The following NDST3 variants were observed in gnomAD, a reference collection of about 807,000 sequenced individuals.
The protein encoded by NDST3 is N-deacetylase and N-sulfotransferase 3, also known as bifunctional heparan sulfate N-deacetylase/N-sulfotransferase 3.
Under a neutral mutation model 96.1 loss-of-function variants are expected in NDST3, and 58 were observed. The ratio of observed to expected loss-of-function variants is 0.60; its 90% CI spans 0.49 to 0.75. The LOEUF (loss-of-function observed/expected upper bound fraction) is 0.75, where lower values mean the gene tolerates loss of function less well. Among genes scored for constraint, NDST3 ranks in the 30% least tolerant of loss-of-function variants. The pLI is 0.00. For missense variants in NDST3, 788 were observed against 1,034.2 expected, an observed-to-expected ratio of 0.76 and a Z score of 3.27; for synonymous variants, 333 against 359.7, an observed-to-expected ratio of 0.93 and a Z score of 0.84.
intron 1 of NDST3, among the ~76,000 whole-genome samples, chr4:118,042,316 A>G (rs955813806): frequency 2.6e-5 from 4 of 151,884 alleles, no homozygotes; most frequent in East Asian, 1.9e-4. Flanking sequence ...CTTCCCAAAT[A>G]TCTCTCATTT....
At chr4:118,141,755 G>A (rs1367310468) in intron 5 of NDST3, among the ~76,000 whole-genome samples, 1 of 151,782 alleles carries the variant, frequency 6.6e-6, no homozygotes, top group East Asian at 1.9e-4. Flanking sequence ...GTAGCTTTTG[G>A]GTCTTTCCCA....
chr4:118,088,650 CG>C (rs1302767132), intron 2 of NDST3, among the ~76,000 whole-genome samples: 1 of 151,972 alleles, frequency 6.6e-6, no homozygotes, highest in Non-Finnish European at 1.5e-5. Flanking sequence ...CAATTTAGTT[CG>C]GGGTAACTCT....
chr4:118,219,039 G>A lies in NDST3; in HGVS notation c.1540-5452G>A, dbSNP rs535025788. 1.2e-4 allele frequency among the ~76,000 whole-genome samples: 19 copies of A among 152,032 alleles called. No homozygotes were observed. The East Asian group carries it at 3.7e-3, about 29-fold the overall frequency. On this transcript the variant is annotated intron_variant, in intron 6 of 13. Coordinates refer to ENST00000296499, the MANE Select transcript of NDST3 (RefSeq NM_004784.3). ...AACCACTACTCAAGGAAATCAGAGG[G>A]GACACCAGCAAATGGAAAAACATTC...
At chr4:118,154,381 T>C (rs1191179582) in intron 6 of NDST3, among the ~76,000 whole-genome samples, 1 of 152,214 alleles carries the variant, frequency 6.6e-6, no homozygotes, top group East Asian at 1.9e-4. Flanking sequence ...AATGTTTGAA[T>C]CTAATAAGAG....
At chr4:118,227,793 T>C (rs1739999360) in intron 8 of NDST3, among the ~76,000 whole-genome samples, 1 of 152,010 alleles carries the variant, frequency 6.6e-6, no homozygotes, top group Non-Finnish European at 1.5e-5. Flanking sequence ...TTTGTATTTT[T>C]AGTAGAGACA....
At chr4:118,108,123 C>A (rs1326734675) in intron 3 of NDST3, among the ~76,000 whole-genome samples, 1 of 152,182 alleles carries the variant, frequency 6.6e-6, no homozygotes, top group African/African-American at 2.4e-5. Context: ...CATTCACTAT[C>A]ATGAGAACAG....
chr4:118,255,468 T>G (rs1560750797), intron 13 of NDST3, 125 bp from the exon 14 acceptor site: 2 of 980,176 alleles, frequency 2.0e-6, no homozygotes, highest in Non-Finnish European at 3.0e-6. Flanking sequence ...AAATAAATAG[T>G]CCATATGCTT....
chr4:118,153,022 T>C (rs748522808), intron 6 of NDST3, among the ~76,000 whole-genome samples: 1 of 152,234 alleles, frequency 6.6e-6, no homozygotes, highest in Non-Finnish European at 1.5e-5. Flanking sequence ...GAGCAACGGC[T>C]ACCTGAGAAC....
At chr4:118,039,112 G>A (rs917983321) in intron 1 of NDST3, among the ~76,000 whole-genome samples, 1 of 152,084 alleles carries the variant, frequency 6.6e-6, no homozygotes. Flanking sequence ...TTGCTTGGTG[G>A]AGTCTTTTTA....
chr4:118,202,027 A>G (rs1271754886), intron 6 of NDST3, among the ~76,000 whole-genome samples: 4 of 152,156 alleles, frequency 2.6e-5, no homozygotes, highest in Admixed American at 1.3e-4. Flanking sequence ...TCTCAGCAAC[A>G]TTTATTGAAT....
chr4:118,215,977 A>C (rs72917146), intron 6 of NDST3, among the ~76,000 whole-genome samples: 20,251 of 152,070 alleles, frequency 0.13, 1,510 homozygotes, highest in South Asian at 0.2. Flanking sequence ...TGAATAAATA[A>C]GAAGAATATC....
At chr4:118,104,292 T>C (rs994908763) in intron 2 of NDST3, among the ~76,000 whole-genome samples, 1 of 152,002 alleles carries the variant, frequency 6.6e-6, no homozygotes, top group Non-Finnish European at 1.5e-5. Flanking sequence ...TGTATGTGTA[T>C]GTGAGAGAGA....
chr4:118,228,655 T>C (rs758033073), intron 8 of NDST3, among the ~76,000 whole-genome samples: 1 of 152,186 alleles, frequency 6.6e-6, no homozygotes, highest in Non-Finnish European at 1.5e-5. Flanking sequence ...ATTTTGAACA[T>C]TGCACACAGT....
At chr4:118,081,052 G>A (rs544430850) in intron 2 of NDST3, among the ~76,000 whole-genome samples, 1 of 152,288 alleles carries the variant, frequency 6.6e-6, no homozygotes, top group East Asian at 1.9e-4. Flanking sequence ...TGTGAAGCCA[G>A]AACAATTTAC....
chr4:118,243,961 T>G (rs374656157), intron 12 of NDST3, among the ~76,000 whole-genome samples: 1 of 152,130 alleles, frequency 6.6e-6, no homozygotes, highest in East Asian at 1.9e-4. Context: ...CTAGCTAAAA[T>G]TACTGATTAT....
At chr4:118,197,448 T>C (rs1737770837) in intron 6 of NDST3, among the ~76,000 whole-genome samples, 1 of 152,222 alleles carries the variant, frequency 6.6e-6, no homozygotes, top group Non-Finnish European at 1.5e-5. Context: ...TCTACTTCTC[T>C]CTTTAGCTCT....
intron 2 of NDST3, among the ~76,000 whole-genome samples, chr4:118,100,888 C>T (rs180689531): frequency 1.3e-5 from 2 of 152,078 alleles, no homozygotes; most frequent in African/African-American, 2.4e-5. Flanking sequence ...CGTGTACACG[C>T]GTGTGTGTAG....
At chr4:118,240,754 T>C (rs572376110) in intron 11 of NDST3, 60 bp downstream of exon 11, 1 of 1,470,112 alleles carries the variant, frequency 6.8e-7, no homozygotes, top group African/African-American at 1.4e-5. Context: ...GACTTTGCCT[T>C]AAGGTTAAGA....
intron 6 of NDST3, among the ~76,000 whole-genome samples, chr4:118,149,282 T>A (rs2125913483): frequency 6.6e-6 from 1 of 151,980 alleles, no homozygotes; most frequent in South Asian, 2.1e-4. Flanking sequence ...TTTTTTCCAA[T>A]TCTGTGAAGA....
Sources: allele counts gnomAD v4.1 joint callset (sites outside exome capture counted in the v4.1 genomes callset), GRCh38; gene constraint gnomAD v4.1.1; transcripts MANE v1.5; gene names NCBI Gene and HGNC (gene_info 2026-07-23, HGNC 2026-07-21).